The following MALRD1 variants were observed in gnomAD, a reference collection of about 807,000 sequenced individuals.
MALRD1 encodes MAM and LDL-receptor class A domain-containing protein 1.
In MALRD1, 247 loss-of-function variants were observed where a neutral mutation model predicts 242.1. The ratio of observed to expected loss-of-function variants is 1.02; its 90% confidence interval spans 0.92 to 1.13. The LOEUF (loss-of-function observed/expected upper bound fraction) is 1.13, where lower values mean the gene tolerates loss of function less well. Ranked by LOEUF, MALRD1 falls within the 50% of genes most tolerant of loss-of-function variation. The pLI, the probability that MALRD1 is intolerant of heterozygous loss-of-function variation, is 0.00. For synonymous variants in MALRD1, 995 were observed against 866.6 expected, an observed-to-expected ratio of 1.15 and a Z score of -2.60; for missense variants, 2,989 against 2,533.1, an observed-to-expected ratio of 1.18 and a Z score of -3.86.
At chr10:19,207,581 A>T (rs1185907500) in intron 17 of MALRD1, among the ~76,000 whole-genome samples, 1 of 151,970 alleles carries the variant, frequency 6.6e-6, no homozygotes, top group Non-Finnish European at 1.5e-5. Flanking sequence ...GCTCACTGCA[A>T]CCTCTGCCTC....
intron 36 of MALRD1, among the ~76,000 whole-genome samples, chr10:19,650,891 T>A (rs1840849099): frequency 6.6e-6 from 1 of 152,138 alleles, no homozygotes; most frequent in Admixed American, 6.5e-5. Flanking sequence ...AGAACAGGTG[T>A]CCTTTTGGCC....
At chr10:19,720,203 C>T (rs1399201210) in intron 38 of MALRD1, among the ~76,000 whole-genome samples, 2 of 152,118 alleles carry the variant, frequency 1.3e-5, no homozygotes. Flanking sequence ...TTCTCTAAGG[C>T]GTTGTTGTGC....
At chr10:19,406,189 C>T (rs1271981775) in intron 28 of MALRD1, among the ~76,000 whole-genome samples, 1 of 152,188 alleles carries the variant, frequency 6.6e-6, no homozygotes, top group Non-Finnish European at 1.5e-5. Context: ...AAGCATTTAA[C>T]ACACTTTAGG....
At chr10:19,284,269 AC>A (rs1840983260) in intron 21 of MALRD1, among the ~76,000 whole-genome samples, 1 of 147,100 alleles carries the variant, frequency 6.8e-6, no homozygotes, top group African/African-American at 2.5e-5. Flanking sequence ...TTTTCATTAT[AC>A]TTTAAGTTTT....
At chr10:19,543,996 A>G (rs1835096809) in intron 32 of MALRD1, among the ~76,000 whole-genome samples, 1 of 152,114 alleles carries the variant, frequency 6.6e-6, no homozygotes, top group African/African-American at 2.4e-5. Context: ...AGTTATGCCT[A>G]TTATAAACAC....
chr10:19,079,482 T>A (rs1835415183), intron 2 of MALRD1, among the ~76,000 whole-genome samples: 1 of 151,904 alleles, frequency 6.6e-6, no homozygotes, highest in Non-Finnish European at 1.5e-5. Flanking sequence ...GTGCCATATG[T>A]ATCTGTTAGG....
At chr10:19,326,369 T>C (rs1843136328) in intron 22 of MALRD1, among the ~76,000 whole-genome samples, 1 of 152,066 alleles carries the variant, frequency 6.6e-6, no homozygotes, top group Non-Finnish European at 1.5e-5. Flanking sequence ...ATTTTGTAAG[T>C]ATGGAATTAT....
At position 19,315,631 on chromosome 10, in the gene MALRD1, A is replaced by G. The variant is rs1220676613; in HGVS notation, c.3420-8318A>G. On this transcript the variant is annotated intron_variant, in intron 21 of 39. Coordinates refer to ENST00000454679, the MANE Select transcript of MALRD1 (RefSeq NM_001142308.3). Reference sequence around the variant, plus strand: ...ATAAATATTTATATAAATTATAAATATTATTTATATAAATATATAAATATT... The same window carrying G: ...ATAAATATTTATATAAATTATAAATGTTATTTATATAAATATATAAATATT... Among the ~76,000 whole-genome samples, 12 of 118,458 alleles carry G rather than the reference A, an allele frequency of 1.0e-4. No homozygotes were observed. The South Asian group carries it at 2.4e-3, about 23-fold the overall frequency. The allele number at this position is 118,458 out of a possible 152,430, so 77.7% of individuals were successfully genotyped here.
intron 36 of MALRD1, among the ~76,000 whole-genome samples, chr10:19,634,238 T>A (rs578183512): frequency 6.6e-6 from 1 of 152,144 alleles, no homozygotes; most frequent in East Asian, 1.9e-4. Context: ...TTTCCCAGAC[T>A]CCAATGCCAG....
chr10:19,258,926 A>G (rs1363181053), intron 19 of MALRD1, among the ~76,000 whole-genome samples: 1 of 152,108 alleles, frequency 6.6e-6, no homozygotes, highest in Non-Finnish European at 1.5e-5. Flanking sequence ...CTTATTCCAT[A>G]TTAACAAATC....
chr10:19,730,428 T>G (rs376641736), intron 38 of MALRD1: 1 of 453,514 alleles, frequency 2.2e-6, no homozygotes, highest in East Asian at 4.5e-5. Flanking sequence ...AAATCAACAT[T>G]AAGACTAACT....
chr10:19,604,286 G>A (rs1160960211), intron 34 of MALRD1, among the ~76,000 whole-genome samples: 1 of 152,086 alleles, frequency 6.6e-6, no homozygotes, highest in African/African-American at 2.4e-5. Context: ...AGAGGAGCAG[G>A]GTTAGAAGAC....
intron 18 of MALRD1, among the ~76,000 whole-genome samples, chr10:19,240,667 A>C (rs922779842): frequency 6.6e-6 from 1 of 152,054 alleles, no homozygotes; most frequent in Non-Finnish European, 1.5e-5. Flanking sequence ...AAAAGCATTT[A>C]ACTATTCACC....
At chr10:19,386,078 A>C (rs1846059446) in intron 26 of MALRD1, among the ~76,000 whole-genome samples, 1 of 152,158 alleles carries the variant, frequency 6.6e-6, no homozygotes, top group African/African-American at 2.4e-5. Flanking sequence ...AATTGCCAGA[A>C]GCCTTCATAA....
Position 19,339,862 on chromosome 10 carries a change from G to T in MALRD1, c.3902-7909G>T, listed in dbSNP as rs1308792341. On this transcript the variant is annotated intron_variant, in intron 24 of 39. Transcript: ENST00000454679. Reference sequence around the variant, plus strand: ...ATTTAAAAATAAAAGAGGTTTAACTGACTTACAGTTCCACATGGCTGGGGA... The same window carrying T: ...ATTTAAAAATAAAAGAGGTTTAACTTACTTACAGTTCCACATGGCTGGGGA... Among the ~76,000 whole-genome samples the T allele has an allele frequency of 2.6e-5, 4 of 152,150 alleles. No individual in the cohort carries two copies. The East Asian group carries it at 7.7e-4, about 29-fold the overall frequency.
chr10:19,410,777 C>T (rs1284578649), intron 28 of MALRD1, among the ~76,000 whole-genome samples: 2 of 149,660 alleles, frequency 1.3e-5, no homozygotes, highest in Non-Finnish European at 2.9e-5. Context: ...ACATGATTAA[C>T]TAATATTCTA....
chr10:19,204,392 C>A lies in MALRD1; in HGVS notation c.2189C>A (p.Pro730His). ...LQSPTFSQTG[P>H]GCILSFWFYN... ...AGCCCAACTTTCAGCCAGACAGGAC[C>A]TGGATGCATACTTTCCTTCTGGTAA... Residue 730 changes from proline to histidine, a missense_variant, in exon 16 of 40, where the codon CCT (proline) becomes CAT (histidine). Transcript: ENST00000454679. 2 of 1,547,154 alleles carry A rather than the reference C, an allele frequency of 1.3e-6. No individual in the cohort carries two copies. Among genetic ancestry groups the A allele is most frequent in the African/African-American group, 1.4e-5 (1 of 72,860 alleles).
At position 19,066,707 on chromosome 10, in the gene MALRD1, C is replaced by T; in HGVS notation, c.200-12C>T. On this transcript the variant is annotated splice_polypyrimidine_tract_variant and intron_variant, in intron 1 of 39. Transcript: ENST00000454679. ...ACAGTTGTGAAAACCAACTTTTCTT[C>T]TTTCTCATTAGGTTTGAATTATGAA... 8.1e-7 allele frequency: 1 copy of T among 1,233,532 alleles called. No homozygotes were observed. The highest frequency in any genetic ancestry group is 1.0e-6 in the Non-Finnish European group (1 of 987,898). 76.4% of individuals were successfully genotyped at this position (1,233,532 alleles called of 1,614,324 possible). A position where few individuals can be genotyped will look rare whatever the true frequency, so the allele number is the denominator to read the frequency against.
chr10:19,692,938 G>C (rs910264127), intron 38 of MALRD1, among the ~76,000 whole-genome samples: 1 of 147,296 alleles, frequency 6.8e-6, no homozygotes, highest in Non-Finnish European at 1.5e-5. Flanking sequence ...ATCAATAAAT[G>C]TAATCCAGCA....
Sources: gnomAD v4.1 joint callset for allele counts (sites outside exome capture counted in the v4.1 genomes callset) on GRCh38, gnomAD v4.1.1 for gene constraint, MANE v1.5 for transcripts, NCBI Gene and HGNC (gene_info 2026-07-23, HGNC 2026-07-21) for gene names.